FAM149B1: variants seen among roughly 807,000 people sequenced by gnomAD.
The protein encoded by FAM149B1 is primary cilium assembly protein FAM149B1.
FAM149B1 carries 56 observed loss-of-function variants against 75.3 expected under a neutral mutation model. The observed-to-expected ratio is 0.74, with a 90% confidence interval of 0.60 to 0.93. The LOEUF (loss-of-function observed/expected upper bound fraction) is 0.93. FAM149B1 is among the 40% of genes least tolerant of loss of function. The pLI is 0.00. For missense variants in FAM149B1, 639 were observed against 708.4 expected (o/e 0.90, Z 1.11); for synonymous variants, 259 against 256.1 (o/e 1.01, Z -0.11).
At chr10:73,194,791 C>G (rs569062773) in intron 5 of FAM149B1, among the ~76,000 whole-genome samples, 30 of 152,154 alleles carry the variant, frequency 2.0e-4, no homozygotes, top group Admixed American at 5.2e-4. Context: ...TCAAGCAATT[C>G]TCCTGCCCCA....
intron 5 of FAM149B1, chr10:73,201,221 G>A (rs74147511): frequency 3.4e-5 from 8 of 233,890 alleles, no homozygotes; most frequent in Admixed American, 1.6e-4. Context: ...GTAGCTGACC[G>A]TATTTAATTC....
chr10:73,191,802 T>G (rs953251567), intron 3 of FAM149B1, among the ~76,000 whole-genome samples: 1 of 152,248 alleles, frequency 6.6e-6, no homozygotes, highest in African/African-American at 2.4e-5. Flanking sequence ...AACGGTGGAA[T>G]TACAGGTAAT....
chr10:73,192,748 A>T, intron 4 of FAM149B1, 50 bp downstream of exon 4: 1 of 1,441,216 alleles, frequency 6.9e-7, no homozygotes. Context: ...ACTAAAATTT[A>T]AAAAGTAGAT....
chr10:73,230,337 GA>G, intron 8 of FAM149B1, 84 bp from the exon 9 acceptor site: 1 of 743,030 alleles, frequency 1.3e-6, no homozygotes. Context: ...AACCAAATTG[GA>G]AATATTAACT....
intron 10 of FAM149B1, 78 bp from the exon 11 acceptor site, chr10:73,234,739 T>C: frequency 6.9e-7 from 1 of 1,454,450 alleles, no homozygotes; most frequent in Non-Finnish European, 9.3e-7. Flanking sequence ...GCTTCATTTA[T>C]CTGATTTCTA....
intron 4 of FAM149B1, 105 bp from the exon 5 acceptor site, chr10:73,193,372 A>T: frequency 9.3e-7 from 1 of 1,077,034 alleles, no homozygotes; most frequent in Non-Finnish European, 1.3e-6. Context: ...CAGACTGTAT[A>T]CTGGACTTTT....
At chr10:73,211,414 G>A (rs1181901961) in intron 7 of FAM149B1, among the ~76,000 whole-genome samples, 1 of 152,096 alleles carries the variant, frequency 6.6e-6, no homozygotes, top group Non-Finnish European at 1.5e-5. Context: ...CACCACTTTG[G>A]GTATTATAAG....
At chr10:73,230,740 A>C in intron 9 of FAM149B1, 2 of 450,376 alleles carry the variant, frequency 4.4e-6, no homozygotes, top group Non-Finnish European at 8.2e-6. Context: ...ACCTAACCAT[A>C]TGTGGCATTT....
chr10:73,178,098 A>G, intron 3 of FAM149B1, 123 bp downstream of exon 3: 2 of 1,025,652 alleles, frequency 1.9e-6, no homozygotes, highest in Non-Finnish European at 2.7e-6. Flanking sequence ...ATACTTCATA[A>G]TAACTGTAAA....
At chr10:73,178,084 T>C in intron 3 of FAM149B1, 109 bp downstream of exon 3, 3 of 1,116,948 alleles carry the variant, frequency 2.7e-6, no homozygotes, top group Non-Finnish European at 3.7e-6. Flanking sequence ...TCTTTACATT[T>C]ATCATACTTC....
chr10:73,168,251 C>T lies in FAM149B1; in HGVS notation c.-89C>T. 1 of 1,436,576 alleles carries T rather than the reference C, an allele frequency of 7.0e-7. No individual in the cohort carries two copies. The highest frequency in any genetic ancestry group is 9.4e-7 in the Non-Finnish European group (1 of 1,061,982). 89.0% of individuals were successfully genotyped at this position (1,436,576 alleles called of 1,614,324 possible). On this transcript the variant is annotated 5_prime_UTR_variant, in exon 1 of 14. Transcript: ENST00000242505. ...GTGGCGGGAGGGGCCGGGCCGGAGCCGGCGGGAGGGCCAGGCCCGGAGGCC... is the reference window on the plus strand; with the variant it reads ...GTGGCGGGAGGGGCCGGGCCGGAGCTGGCGGGAGGGCCAGGCCCGGAGGCC...
At chr10:73,195,035 T>C in intron 5 of FAM149B1, among the ~76,000 whole-genome samples, 1 of 152,324 alleles carries the variant, frequency 6.6e-6, no homozygotes, top group South Asian at 2.1e-4. Flanking sequence ...ACTTTTTAAA[T>C]AGTAGCAAAA....
intron 7 of FAM149B1, among the ~76,000 whole-genome samples, chr10:73,215,899 C>G (rs1054649136): frequency 4.6e-5 from 7 of 152,214 alleles, no homozygotes; most frequent in South Asian, 2.1e-4. Flanking sequence ...TTGAGTAGAC[C>G]GTTCTGTAAA....
rs781061085 is a variant in FAM149B1, at chr10:73,239,425, T to C, written c.1675+41T>C. 1.9e-5 allele frequency: 28 copies of C among 1,459,910 alleles called. 1 individual carries two copies. The South Asian group carries it at 3.4e-4, about 18-fold the overall frequency. 90.4% of individuals were successfully genotyped at this position (1,459,910 alleles called of 1,614,324 possible). ...TGGCCCTTATTTACTACTGTGTGGT[T>C]GTGTTAAGACCCAGCCTTTGTCTTT... On this transcript the variant is annotated intron_variant, in intron 13 of 13. Coordinates refer to ENST00000242505, the MANE Select transcript of FAM149B1 (RefSeq NM_173348.2).
chr10:73,240,901 T>G, intron 13 of FAM149B1, 45 bp from the exon 14 acceptor site: 1 of 1,165,638 alleles, frequency 8.6e-7, no homozygotes, highest in South Asian at 1.3e-5. Context: ...AGAGTGATTA[T>G]CAAACCTAGA....
chr10:73,237,455 C>T (rs1422334418), intron 12 of FAM149B1, among the ~76,000 whole-genome samples: 4 of 151,472 alleles, frequency 2.6e-5, no homozygotes, highest in African/African-American at 7.3e-5. Context: ...CTTACTCTGT[C>T]GCCCAGGCTA....
chr10:73,231,504 G>A (rs749598982), intron 9 of FAM149B1, among the ~76,000 whole-genome samples: 4 of 152,162 alleles, frequency 2.6e-5, no homozygotes, highest in Admixed American at 6.5e-5. Context: ...CTGAAAGATC[G>A]ATTTCACCAT....
intron 3 of FAM149B1, among the ~76,000 whole-genome samples, chr10:73,185,928 A>G (rs986528115): frequency 6.6e-6 from 1 of 152,204 alleles, no homozygotes; most frequent in Non-Finnish European, 1.5e-5. Context: ...AAAAGAAAGA[A>G]CAGTTCCTAC....
chr10:73,171,988 G>A (rs1843738131), intron 1 of FAM149B1, among the ~76,000 whole-genome samples: 1 of 152,108 alleles, frequency 6.6e-6, no homozygotes, highest in African/African-American at 2.4e-5. Flanking sequence ...CAAAACTGCA[G>A]ATACTGCCAT....
Sources: allele counts gnomAD v4.1 joint callset (sites outside exome capture counted in the v4.1 genomes callset), GRCh38; gene constraint gnomAD v4.1.1; transcripts MANE v1.5; gene names NCBI Gene and HGNC (gene_info 2026-07-23, HGNC 2026-07-21).